The following NCOA2 variants were observed in gnomAD, a reference collection of about 807,000 sequenced individuals.
The protein encoded by NCOA2 is class E basic helix-loop-helix protein 75.
Under a neutral mutation model 145.1 loss-of-function variants are expected in NCOA2, and 21 were observed. That is an observed-to-expected ratio of 0.14 (90% CI 0.10 to 0.21). NCOA2 has a LOEUF of 0.21. Ranked by LOEUF, NCOA2 falls within the 10% of genes least tolerant of loss-of-function variation. The pLI, the probability that NCOA2 is intolerant of heterozygous loss-of-function variation, is 1.00. For missense variants in NCOA2, 1,472 were observed against 1,837.6 expected, an observed-to-expected ratio of 0.80 and a Z score of 3.64; for synonymous variants, 619 against 637.5, an observed-to-expected ratio of 0.97 and a Z score of 0.44.
At chr8:70,119,066 T>A (rs1161677039) in intron 22 of NCOA2, among the ~76,000 whole-genome samples, 1 of 152,168 alleles carries the variant, frequency 6.6e-6, no homozygotes, top group African/African-American at 2.4e-5. Flanking sequence ...TAATGCATAG[T>A]GAGGGATCAA....
At chr8:70,302,234 A>G (rs1827566400) in intron 1 of NCOA2, among the ~76,000 whole-genome samples, 1 of 152,300 alleles carries the variant, frequency 6.6e-6, no homozygotes, top group Non-Finnish European at 1.5e-5. Context: ...TAAAATAGTA[A>G]AATTCCAAAG....
chr8:70,442,151 GAAAGAA>G, the NCOA2 span, among the ~76,000 whole-genome samples: 7 of 139,090 alleles, frequency 5.0e-5, no homozygotes, highest in African/African-American at 2.1e-4. Context: ...AAGAAAGAAA[GAAAGAA>G]AGAAAGAGAA....
At chr8:70,247,548 T>C (rs993485760) in intron 2 of NCOA2, among the ~76,000 whole-genome samples, 3 of 152,114 alleles carry the variant, frequency 2.0e-5, no homozygotes, top group Non-Finnish European at 4.4e-5. Flanking sequence ...AGGCAACATA[T>C]AAAATCAATG....
rs114542828 is a variant in NCOA2, at chr8:70,226,165, C to T, written c.-19-9401G>A. ...CAAAATATTAGCAGTTAAATTATTT[C>T]AATGGGCATTACGGATGTAATTTAA... On this transcript the variant is annotated intron_variant, in intron 2 of 22. Coordinates refer to ENST00000452400, the MANE Select transcript of NCOA2 (RefSeq NM_006540.4). Among the ~76,000 whole-genome samples the T allele has an allele frequency of 9.3e-3, 1,410 of 152,130 alleles. 20 individuals are homozygous for T. The highest frequency in any genetic ancestry group is 0.032 in the African/African-American group (1,313 of 41,526).
intron 14 of NCOA2, among the ~76,000 whole-genome samples, chr8:70,140,785 T>C (rs1017118749): frequency 2.0e-5 from 3 of 151,466 alleles, no homozygotes; most frequent in Admixed American, 2.0e-4. Context: ...TTAGTAGAGA[T>C]GGGGTTTCAC....
chr8:70,374,134 T>C (rs943872186), intron 1 of NCOA2, among the ~76,000 whole-genome samples: 17 of 152,106 alleles, frequency 1.1e-4, no homozygotes, highest in Non-Finnish European at 1.9e-4. Flanking sequence ...TTTAAAAATA[T>C]ATAAATAAAA....
chr8:70,128,325 T>A (rs1808676743), intron 18 of NCOA2, 108 bp downstream of exon 18: 1 of 903,278 alleles, frequency 1.1e-6, no homozygotes, highest in East Asian at 2.6e-5. Flanking sequence ...AGGGCTAGTG[T>A]GCTGATCTGG....
chr8:70,364,741 T>TA (rs796932464), intron 1 of NCOA2, among the ~76,000 whole-genome samples: 2,895 of 123,556 alleles, frequency 0.023, 57 homozygotes, highest in African/African-American at 0.048. Context: ...TCCCAATACT[T>TA]AAAAAAAAAA....
intron 2 of NCOA2, among the ~76,000 whole-genome samples, chr8:70,284,924 C>T (rs1271726376): frequency 1.3e-5 from 2 of 152,018 alleles, no homozygotes; most frequent in African/African-American, 4.8e-5. Flanking sequence ...ACAGATGTCC[C>T]ACGGAGCAGG....
At chr8:70,399,980 T>C (rs1489183115) in intron 1 of NCOA2, among the ~76,000 whole-genome samples, 9 of 152,204 alleles carry the variant, frequency 5.9e-5, no homozygotes, top group Non-Finnish European at 1.2e-4. Flanking sequence ...TCACAGATCC[T>C]TGATGTTACT....
Position 70,379,545 on chromosome 8 carries a change from G to C in NCOA2, c.-77+24155C>G, listed in dbSNP as rs531291550. Among the ~76,000 whole-genome samples the C allele has an allele frequency of 8.3e-4, 127 of 152,220 alleles. 1 individual carries two copies. Among genetic ancestry groups the C allele is most frequent in the African/African-American group, 3.0e-3 (123 of 41,526 alleles). On this transcript the variant is annotated intron_variant, in intron 1 of 22. Transcript: ENST00000452400. Reference sequence around the variant, plus strand: ...CTTCCACATATCAGCAGTTCATGTTGTCACTGACATTTTATCTCTTTCTGC... The same window carrying C: ...CTTCCACATATCAGCAGTTCATGTTCTCACTGACATTTTATCTCTTTCTGC...
chr8:70,387,536 TGACA>T (rs1812778324), intron 1 of NCOA2, among the ~76,000 whole-genome samples: 1 of 152,144 alleles, frequency 6.6e-6, no homozygotes, highest in Non-Finnish European at 1.5e-5. Context: ...AATTAGCCTG[TGACA>T]GACAGATGGT....
At chr8:70,400,468 G>A (rs1051856809) in intron 1 of NCOA2, among the ~76,000 whole-genome samples, 1 of 152,046 alleles carries the variant, frequency 6.6e-6, no homozygotes, top group African/African-American at 2.4e-5. Flanking sequence ...AAGGATTGTT[G>A]CAAAGAATTA....
At chr8:70,367,685 C>T (rs1409300625) in intron 1 of NCOA2, among the ~76,000 whole-genome samples, 1 of 152,106 alleles carries the variant, frequency 6.6e-6, no homozygotes, top group East Asian at 1.9e-4. Context: ...AAAATAATTA[C>T]ATATCCAAGT....
At chr8:70,231,208 C>A (rs541012365) in intron 2 of NCOA2, among the ~76,000 whole-genome samples, 71 of 152,322 alleles carry the variant, frequency 4.7e-4, no homozygotes, top group African/African-American at 1.7e-3. Flanking sequence ...TCTCACAATT[C>A]ACAACGAGTA....
intron 1 of NCOA2, among the ~76,000 whole-genome samples, chr8:70,348,967 T>A (rs188589790): frequency 1.1e-3 from 142 of 128,314 alleles, no homozygotes; most frequent in Middle Eastern, 5.1e-3. Context: ...CATACTGGCA[T>A]AGAAGAGAGG....
chr8:70,230,312 G>C (rs1015644151), intron 2 of NCOA2, among the ~76,000 whole-genome samples: 1 of 152,210 alleles, frequency 6.6e-6, no homozygotes, highest in African/African-American at 2.4e-5. Flanking sequence ...GGCTGCCAAG[G>C]GCTGGAGGGA....
chr8:70,305,524 TAA>T (rs1827819340), intron 1 of NCOA2, among the ~76,000 whole-genome samples: 2 of 152,062 alleles, frequency 1.3e-5, no homozygotes, highest in African/African-American at 4.8e-5. Flanking sequence ...TCAAAAAACT[TAA>T]AACGGACCCG....
chr8:70,369,217 C>A (rs544287293), intron 1 of NCOA2, among the ~76,000 whole-genome samples: 13 of 152,168 alleles, frequency 8.5e-5, no homozygotes, highest in Non-Finnish European at 1.8e-4. Flanking sequence ...AAATTCCACA[C>A]AAATTCAATT....
Sources: gnomAD v4.1 joint callset for allele counts (sites outside exome capture counted in the v4.1 genomes callset) on GRCh38, gnomAD v4.1.1 for gene constraint, MANE v1.5 for transcripts, NCBI Gene and HGNC (gene_info 2026-07-23, HGNC 2026-07-21) for gene names.